The following OR2L13 variants were observed in gnomAD, a reference collection of about 807,000 sequenced individuals.
OR2L13 encodes olfactory receptor 2L13.
In OR2L13, 14 loss-of-function variants were observed where a neutral mutation model predicts 15.3. The observed-to-expected ratio is 0.91, with a 90% CI of 0.60 to 1.43. The LOEUF (loss-of-function observed/expected upper bound fraction) is 1.43. Ranked by LOEUF, OR2L13 falls within the 40% of genes most tolerant of loss-of-function variation. OR2L13 has a pLI of 0.00. For missense variants in OR2L13, 367 were observed against 387.9 expected (o/e 0.95, Z 0.45); for synonymous variants, 152 against 142.9 (o/e 1.06, Z -0.45).
At chr1:248,063,001 G>A in the OR2L13 span, 1 of 152,110 alleles carries the variant, frequency 6.6e-6, no homozygotes, top group South Asian at 2.1e-4. Context: ...GTTATTCCAT[G>A]TTTGTAGTAT....
the OR2L13 span, among the ~76,000 whole-genome samples, chr1:247,953,125 TTACTA>T: frequency 6.6e-6 from 1 of 152,180 alleles, no homozygotes; most frequent in African/African-American, 2.4e-5. Flanking sequence ...CTACTGTCAT[TTACTA>T]CATTGTTTAT....
At chr1:248,075,079 G>A in the OR2L13 span, among the ~76,000 whole-genome samples, 1 of 151,814 alleles carries the variant, frequency 6.6e-6, no homozygotes, top group Non-Finnish European at 1.5e-5. Context: ...GTGTCCAAGT[G>A]ATCTCATCGT....
chr1:248,096,012 C>A (rs915729957), upstream of OR2L13, among the ~76,000 whole-genome samples: 1 of 151,956 alleles, frequency 6.6e-6, no homozygotes, highest in East Asian at 1.9e-4. Context: ...TCCTAGAAAG[C>A]TTTTTTGGAA....
the OR2L13 span, among the ~76,000 whole-genome samples, chr1:247,960,402 G>C: frequency 6.6e-6 from 1 of 152,198 alleles, no homozygotes; most frequent in Non-Finnish European, 1.5e-5. Flanking sequence ...CCCACTTGAG[G>C]AGGCAGTCTG....
chr1:247,958,523 T>C, the OR2L13 span, among the ~76,000 whole-genome samples: 1 of 152,336 alleles, frequency 6.6e-6, no homozygotes, highest in South Asian at 2.1e-4. Context: ...CTTTGATCTT[T>C]CTAATGTTGA....
At chr1:247,965,540 T>C in the OR2L13 span, 2 of 1,612,390 alleles carry the variant, frequency 1.2e-6, no homozygotes, top group African/African-American at 2.7e-5. Flanking sequence ...AACACCAGAC[T>C]CCACACTCCA....
chr1:247,984,148 G>A, the OR2L13 span, among the ~76,000 whole-genome samples: 4 of 152,062 alleles, frequency 2.6e-5, no homozygotes, highest in African/African-American at 7.2e-5. Context: ...CTTGTAGAAC[G>A]CGTCTGGTGG....
At chr1:248,047,816 G>A in the OR2L13 span, among the ~76,000 whole-genome samples, 3 of 152,226 alleles carry the variant, frequency 2.0e-5, no homozygotes, top group East Asian at 5.8e-4. Flanking sequence ...GATGATGCTG[G>A]CAATGATAAT....
the OR2L13 span, chr1:247,966,384 A>C: frequency 6.5e-7 from 1 of 1,540,144 alleles, no homozygotes; most frequent in Non-Finnish European, 8.8e-7. Context: ...AACTATCTGG[A>C]AAGATATAAA....
At chr1:248,099,471 C>T in exon 3 of OR2L13, 10 of 1,613,790 alleles carry the variant, frequency 6.2e-6, no homozygotes, top group Non-Finnish European at 8.5e-6. Flanking sequence ...TTATCATCCT[C>T]ATATTCTTTC....
chr1:247,951,661 T>C, the OR2L13 span, among the ~76,000 whole-genome samples: 1 of 152,226 alleles, frequency 6.6e-6, no homozygotes, highest in Non-Finnish European at 1.5e-5. Flanking sequence ...TTTGCTGCAA[T>C]GAGCAGTGTA....
chr1:248,035,989 A>G, the OR2L13 span, among the ~76,000 whole-genome samples: 4 of 151,132 alleles, frequency 2.6e-5, no homozygotes, highest in African/African-American at 9.9e-5. Context: ...TCTCTCAAAA[A>G]CTTATAATTA....
chr1:248,070,726 T>C, the OR2L13 span, among the ~76,000 whole-genome samples: 1 of 151,946 alleles, frequency 6.6e-6, no homozygotes, highest in Non-Finnish European at 1.5e-5. Context: ...GATAGACCAC[T>C]AGCAAGACTA....
the OR2L13 span, among the ~76,000 whole-genome samples, chr1:248,078,795 G>A: frequency 3.3e-5 from 5 of 151,910 alleles, no homozygotes; most frequent in Non-Finnish European, 7.4e-5. Flanking sequence ...AAAATAAAAA[G>A]AACAAATTAT....
chr1:247,977,185 T>C, the OR2L13 span, among the ~76,000 whole-genome samples: 4 of 152,228 alleles, frequency 2.6e-5, no homozygotes, highest in African/African-American at 9.6e-5. Flanking sequence ...AAGTACCTGT[T>C]CTATGTTCAA....
the OR2L13 span, among the ~76,000 whole-genome samples, chr1:247,984,369 T>A: frequency 1.4e-4 from 21 of 152,246 alleles, no homozygotes; most frequent in Admixed American, 2.6e-4. Flanking sequence ...TATAACTATC[T>A]CATGGAAAGT....
At chr1:248,022,929 A>C in the OR2L13 span, 99 of 1,538,550 alleles carry the variant, frequency 6.4e-5, no homozygotes, top group Non-Finnish European at 8.5e-5. Context: ...GTTCATATCA[A>C]CTCAGCAGTG....
the OR2L13 span, among the ~76,000 whole-genome samples, chr1:248,089,771 C>T: frequency 2.9e-3 from 437 of 152,266 alleles, 1 homozygote; most frequent in African/African-American, 9.3e-3. Context: ...GGACAGAGCT[C>T]GGACAACCAT....
At chr1:248,060,917 A>G in the OR2L13 span, 1 of 1,613,930 alleles carries the variant, frequency 6.2e-7, no homozygotes, top group South Asian at 1.1e-5. Flanking sequence ...ATTGTTCCTA[A>G]GATGGCATCT....
Sources: allele counts gnomAD v4.1 joint callset (sites outside exome capture counted in the v4.1 genomes callset), GRCh38; gene constraint gnomAD v4.1.1; transcripts MANE v1.5; gene names NCBI Gene and HGNC (gene_info 2026-07-23, HGNC 2026-07-21).